SLC38A1: variants seen among roughly 807,000 people sequenced by gnomAD.
The protein encoded by SLC38A1 is solute carrier family 38 member 1, also known as sodium-coupled neutral amino acid symporter 1.
A neutral mutation model predicts 60.3 loss-of-function variants in SLC38A1; 18 were observed. The ratio of observed to expected loss-of-function variants is 0.30; its 90% CI spans 0.21 to 0.44. SLC38A1 has a LOEUF of 0.44. Ranked by LOEUF, SLC38A1 falls within the 20% of genes least tolerant of loss-of-function variation. The pLI, the probability that SLC38A1 is intolerant of heterozygous loss-of-function variation, is 1.00. For synonymous variants in SLC38A1, 196 were observed against 212.1 expected (o/e 0.92, Z 0.66); for missense variants, 448 against 587.2 (o/e 0.76, Z 2.45).
chr12:46,225,755 GA>G (rs1339981913), intron 5 of SLC38A1, among the ~76,000 whole-genome samples: 1 of 152,186 alleles, frequency 6.6e-6, no homozygotes, highest in African/African-American at 2.4e-5. Flanking sequence ...AGCAGATAAA[GA>G]GGAACTATCT....
At chr12:46,203,387 A>G (rs955735167) in intron 11 of SLC38A1, among the ~76,000 whole-genome samples, 4 of 151,960 alleles carry the variant, frequency 2.6e-5, no homozygotes, top group Non-Finnish European at 4.4e-5. Context: ...GTTACATGGC[A>G]CTCTTCCTAG....
intron 1 of SLC38A1, chr12:46,254,892 A>C (rs1156510106): frequency 6.5e-6 from 1 of 152,972 alleles, no homozygotes; most frequent in Non-Finnish European, 1.5e-5. Context: ...AGTATACTTT[A>C]CATAATTGCT....
intron 16 of SLC38A1, among the ~76,000 whole-genome samples, chr12:46,191,573 T>C (rs1305722300): frequency 6.6e-6 from 1 of 152,212 alleles, no homozygotes; most frequent in African/African-American, 2.4e-5. Flanking sequence ...GAGCGTGGAA[T>C]GTTCTTCCAT....
In SLC38A1 at chr12:46,195,520, GT is replaced by G. The variant is rs1384722293; in HGVS notation, c.1362+2199del. Among the ~76,000 whole-genome samples the G allele has an allele frequency of 2.6e-5, 4 of 152,130 alleles. No individual in the cohort carries two copies. In the East Asian group the frequency reaches 5.8e-4, roughly 22 times the overall value. On this transcript the variant is annotated intron_variant, in intron 16 of 16. Coordinates refer to ENST00000398637, the MANE Select transcript of SLC38A1 (RefSeq NM_030674.4). ...TAAGTCTGCAAAAGCTGTCTGCTGC[GT>G]TTTTTTCTGCCATGCCCTGCCTCCA... is the stretch of plus-strand genomic sequence containing the variant.
intron 1 of SLC38A1, among the ~76,000 whole-genome samples, chr12:46,265,304 A>G (rs1942318051): frequency 6.6e-6 from 1 of 152,166 alleles, no homozygotes. Flanking sequence ...CTAAGCCCCT[A>G]TTCACCACCT....
rs1273792724 is a variant in SLC38A1 at position 46,186,623 on chromosome 12, A to C, written c.*2347T>G. On this transcript the variant is annotated 3_prime_UTR_variant, in exon 17 of 17. Coordinates refer to ENST00000398637, the MANE Select transcript of SLC38A1 (RefSeq NM_030674.4). Reference sequence around the variant, plus strand: ...GGTCTATTATATTCAGTCAACAACAAATTTAGAGAAACATACAAAGGTTTT... The same window carrying C: ...GGTCTATTATATTCAGTCAACAACACATTTAGAGAAACATACAAAGGTTTT... 6.6e-6 allele frequency: 1 copy of C among 152,194 alleles called. No individual in the cohort carries two copies. The highest frequency in any genetic ancestry group is 1.5e-5 in the Non-Finnish European group (1 of 68,042). The allele number at this position is 152,194 out of a possible 1,614,324, so 9.4% of individuals were successfully genotyped here.
intron 6 of SLC38A1, 60 bp from the exon 7 acceptor site, chr12:46,207,681 T>C (rs1032944600): frequency 6.7e-7 from 1 of 1,487,112 alleles, no homozygotes; most frequent in Non-Finnish European, 9.4e-7. Context: ...GTTAAAATAG[T>C]CAAGATTTTG....
chr12:46,208,054 G>A (rs1290389642), intron 6 of SLC38A1, among the ~76,000 whole-genome samples: 1 of 152,164 alleles, frequency 6.6e-6, no homozygotes, highest in East Asian at 1.9e-4. Flanking sequence ...AGGCAAACAA[G>A]GAATTATCTT....
chr12:46,244,039 T>G (rs996072271), intron 1 of SLC38A1, among the ~76,000 whole-genome samples: 5 of 152,136 alleles, frequency 3.3e-5, no homozygotes, highest in Non-Finnish European at 5.9e-5. Context: ...CCATCTAAAA[T>G]GACACTGTAC....
At chr12:46,214,867 GGGGGTGTTT>G (rs1167961532) in intron 5 of SLC38A1, among the ~76,000 whole-genome samples, 2 of 152,198 alleles carry the variant, frequency 1.3e-5, no homozygotes, top group Admixed American at 6.5e-5. Context: ...TAGCTCAGAT[GGGGGTGTTT>G]GGGGCTGCCT....
At chr12:46,265,352 GA>G (rs1942320107) in intron 1 of SLC38A1, among the ~76,000 whole-genome samples, 1 of 152,172 alleles carries the variant, frequency 6.6e-6, no homozygotes, top group Non-Finnish European at 1.5e-5. Flanking sequence ...AAATGTGAAG[GA>G]TAAACAAATA....
rs1592283250 is a variant in SLC38A1, at chr12:46,185,353, G to C, written c.*3617C>G. 1.3e-5 allele frequency: 2 copies of C among 152,236 alleles called. No homozygotes were observed. The highest frequency in any genetic ancestry group is 4.1e-4 in the South Asian group (2 of 4,820). The allele number at this position is 152,236 out of a possible 1,614,324, so 9.4% of individuals were successfully genotyped here. A position where few individuals can be genotyped will look rare whatever the true frequency, so the allele number is the denominator to read the frequency against. On this transcript the variant is annotated 3_prime_UTR_variant, in exon 17 of 17. Coordinates refer to ENST00000398637, the MANE Select transcript of SLC38A1 (RefSeq NM_030674.4). ...GTAATAGTCTTAGGTGCTCGCCGAAGCACTGAGGAATCTTACCACAACCCT... is the reference window on the plus strand; with the variant it reads ...GTAATAGTCTTAGGTGCTCGCCGAACCACTGAGGAATCTTACCACAACCCT...
At chr12:46,262,105 A>G (rs999614836) in intron 1 of SLC38A1, among the ~76,000 whole-genome samples, 1 of 152,200 alleles carries the variant, frequency 6.6e-6, no homozygotes, top group Non-Finnish European at 1.5e-5. Context: ...ATGAACCGCT[A>G]ACTTCCTTGG....
chr12:46,218,810 T>C (rs1251454513), intron 5 of SLC38A1, among the ~76,000 whole-genome samples: 2 of 151,772 alleles, frequency 1.3e-5, no homozygotes, highest in Admixed American at 1.3e-4. Flanking sequence ...GAGTGATGAT[T>C]GGTTAAGTTG....
chr12:46,257,792 C>A (rs978040791), intron 1 of SLC38A1, among the ~76,000 whole-genome samples: 1 of 152,136 alleles, frequency 6.6e-6, no homozygotes, highest in African/African-American at 2.4e-5. Context: ...ACACTTACTG[C>A]GGGTTTCTGC....
chr12:46,239,637 A>T (rs757771543), intron 3 of SLC38A1, 42 bp downstream of exon 3: 1 of 1,609,780 alleles, frequency 6.2e-7, no homozygotes, highest in East Asian at 2.2e-5. Flanking sequence ...GCCACGAGCC[A>T]TTTCTTTCAC....
In SLC38A1 at chr12:46,253,172, G is replaced by A. The variant is rs189038232; in HGVS notation, c.-208-9858C>T. 2.6e-5 allele frequency among the ~76,000 whole-genome samples: 4 copies of A among 152,240 alleles called. No homozygotes were observed. In the East Asian group the frequency reaches 7.7e-4, roughly 29 times the overall value. ...GAGGACTGTAGTTAATACAGTTTGA[G>A]TATTTCTTATCAAAAATGTTTGGGA... On this transcript the variant is annotated intron_variant, in intron 1 of 16. Transcript: ENST00000398637.
intron 1 of SLC38A1, among the ~76,000 whole-genome samples, chr12:46,264,062 G>A (rs1398403985): frequency 6.6e-6 from 1 of 152,144 alleles, no homozygotes; most frequent in Non-Finnish European, 1.5e-5. Context: ...CTGAATCTCT[G>A]GAGTTGAAGT....
Position 46,196,402 on chromosome 12 carries a change from C to T in SLC38A1, c.1362+1318G>A, listed in dbSNP as rs903269319. The T allele has an allele frequency of 1.0e-5, 13 of 1,289,424 alleles. No individual in the cohort carries two copies. The African/African-American group carries it at 2.0e-4, about 19-fold the overall frequency. 79.9% of individuals were successfully genotyped at this position (1,289,424 alleles called of 1,614,324 possible). On this transcript the variant is annotated intron_variant, in intron 16 of 16. Coordinates refer to ENST00000398637, the MANE Select transcript of SLC38A1 (RefSeq NM_030674.4). The stretch of plus-strand genomic sequence containing the variant: ...CTTGTCTAATGCCATTTGGAAGACC[C>T]TACTACTAGTTTCATTATGGGACCA...
Sources: gnomAD v4.1 joint callset for allele counts (sites outside exome capture counted in the v4.1 genomes callset) on GRCh38, gnomAD v4.1.1 for gene constraint, MANE v1.5 for transcripts, NCBI Gene and HGNC (gene_info 2026-07-23, HGNC 2026-07-21) for gene names.